The following TP63 variants were observed in gnomAD, a reference collection of about 807,000 sequenced individuals.
TP63 encodes tumor protein p63.
In TP63, 17 loss-of-function variants were observed where a neutral mutation model predicts 82.8. That is an observed-to-expected ratio of 0.21 (90% CI 0.14 to 0.31). The LOEUF (loss-of-function observed/expected upper bound fraction) is 0.31, where lower values mean the gene tolerates loss of function less well. TP63 is among the 10% of genes least tolerant of loss of function. The pLI, the probability that TP63 is intolerant of heterozygous loss-of-function variation, is 1.00. For synonymous variants in TP63, 330 were observed against 321.7 expected, an observed-to-expected ratio of 1.03 and a Z score of -0.28; for missense variants, 648 against 895.3, an observed-to-expected ratio of 0.72 and a Z score of 3.52.
intron 9 of TP63, among the ~76,000 whole-genome samples, chr3:189,872,569 A>C (rs550335907): frequency 6.6e-6 from 1 of 152,270 alleles, no homozygotes; most frequent in South Asian, 2.1e-4. Context: ...CGTGGCGCTA[A>C]ATAGACCATG....
intron 4 of TP63, among the ~76,000 whole-genome samples, chr3:189,850,188 A>G (rs1452752985): frequency 6.6e-6 from 1 of 152,140 alleles, no homozygotes; most frequent in African/African-American, 2.4e-5. Context: ...AGGCTGAGGC[A>G]GGTGAATTGC....
chr3:189,845,190 G>A lies in TP63; in HGVS notation c.580-19042G>A, dbSNP rs142704273. 3.1e-3 allele frequency among the ~76,000 whole-genome samples: 472 copies of A among 152,226 alleles called. 1 individual carries two copies. Among genetic ancestry groups the A allele is most frequent in the African/African-American group, 0.011 (457 of 41,540 alleles). On this transcript the variant is annotated intron_variant, in intron 4 of 13. Transcript: ENST00000264731. ...TTTTTTCTTCCTGTCAAGTATTTTGGGTTATTTGAGATAGTACAGACAACA... is the reference window on the plus strand; with the variant it reads ...TTTTTTCTTCCTGTCAAGTATTTTGAGTTATTTGAGATAGTACAGACAACA...
At chr3:189,790,746 G>A (rs1025947147) in intron 3 of TP63, among the ~76,000 whole-genome samples, 2 of 152,002 alleles carry the variant, frequency 1.3e-5, no homozygotes, top group South Asian at 4.1e-4. Flanking sequence ...GAGAGAGTTC[G>A]GTGTTTCAGA....
At chr3:189,772,308 C>G (rs1723438777) in intron 3 of TP63, among the ~76,000 whole-genome samples, 1 of 152,180 alleles carries the variant, frequency 6.6e-6, no homozygotes, top group African/African-American at 2.4e-5. Flanking sequence ...GACACTGAAG[C>G]TCCTAGAAGT....
intron 11 of TP63, 40 bp downstream of exon 11, chr3:189,886,591 A>G: frequency 6.2e-7 from 1 of 1,611,450 alleles, no homozygotes; most frequent in African/African-American, 1.3e-5. Context: ...AAGGATGAAC[A>G]GGCTAGCTTA....
intron 3 of TP63, among the ~76,000 whole-genome samples, chr3:189,757,949 T>C (rs891813146): frequency 6.6e-6 from 1 of 152,170 alleles, no homozygotes; most frequent in Non-Finnish European, 1.5e-5. Flanking sequence ...CTCAAGCATG[T>C]GTACTAAGGG....
At chr3:189,704,285 G>A (rs989276772) in intron 1 of TP63, among the ~76,000 whole-genome samples, 1 of 152,198 alleles carries the variant, frequency 6.6e-6, no homozygotes, top group African/African-American at 2.4e-5. Flanking sequence ...TTTCCAGAAT[G>A]TTCTTTTTCT....
chr3:189,637,589 C>T (rs1711501074), intron 1 of TP63, among the ~76,000 whole-genome samples: 1 of 152,128 alleles, frequency 6.6e-6, no homozygotes, highest in Admixed American at 6.6e-5. Flanking sequence ...ATTCAAGTCC[C>T]TTGACTACCA....
chr3:189,639,093 A>C (rs1711577464), intron 1 of TP63, among the ~76,000 whole-genome samples: 1 of 152,186 alleles, frequency 6.6e-6, no homozygotes, highest in Admixed American at 6.6e-5. Flanking sequence ...CTGATTAGCT[A>C]TTTTGAAGCT....
At chr3:189,743,765 A>C (rs1291637801) in intron 3 of TP63, among the ~76,000 whole-genome samples, 3 of 152,194 alleles carry the variant, frequency 2.0e-5, no homozygotes, top group African/African-American at 7.2e-5. Flanking sequence ...GACAGGAAGC[A>C]TCAAAAACAA....
chr3:189,759,929 C>G (rs1182321180), intron 3 of TP63, among the ~76,000 whole-genome samples: 3 of 152,186 alleles, frequency 2.0e-5, no homozygotes, highest in African/African-American at 7.2e-5. Context: ...CAAGTCACAT[C>G]TTATGTGGAT....
chr3:189,667,995 A>G (rs1338441381), intron 1 of TP63, among the ~76,000 whole-genome samples: 1 of 152,134 alleles, frequency 6.6e-6, no homozygotes, highest in East Asian at 1.9e-4. Context: ...GACCCTACCC[A>G]AGAGTAAGGC....
At chr3:189,598,595 G>A in the TP63 span, among the ~76,000 whole-genome samples, 1 of 152,164 alleles carries the variant, frequency 6.6e-6, no homozygotes, top group African/African-American at 2.4e-5. Context: ...TCAACATTAT[G>A]AAACCATACA....
the TP63 span, among the ~76,000 whole-genome samples, chr3:189,602,787 T>A: frequency 1.3e-5 from 2 of 152,138 alleles, no homozygotes; most frequent in African/African-American, 4.8e-5. Flanking sequence ...AATTATATCG[T>A]TCGTAGAGTC....
At chr3:189,728,083 G>T (rs966678552) in intron 1 of TP63, among the ~76,000 whole-genome samples, 3 of 151,820 alleles carry the variant, frequency 2.0e-5, no homozygotes, top group Non-Finnish European at 2.9e-5. Flanking sequence ...GAAGAGCTTT[G>T]CCTAAGGATC....
intron 10 of TP63, among the ~76,000 whole-genome samples, chr3:189,874,548 A>G (rs556015013): frequency 2.4e-4 from 36 of 152,102 alleles, no homozygotes; most frequent in Non-Finnish European, 3.4e-4. Context: ...GGATCTCACC[A>G]TTTACTTTTA....
chr3:189,793,279 C>A (rs1266469757), intron 3 of TP63, among the ~76,000 whole-genome samples: 1 of 151,920 alleles, frequency 6.6e-6, no homozygotes, highest in Non-Finnish European at 1.5e-5. Context: ...TAAGGAAAAC[C>A]GTGTTTGGTT....
intron 4 of TP63, among the ~76,000 whole-genome samples, chr3:189,840,359 CTTTTT>C: frequency 1.1e-4 from 5 of 44,448 alleles, no homozygotes; most frequent in Non-Finnish European, 1.2e-4. Context: ...TGCTTTTCGT[CTTTTT>C]TTTTTTTTTT....
In TP63 at chr3:189,897,022, T is replaced by C. The variant is rs1421941698; in HGVS notation, c.*2520T>C. ...CCCTAAAATAACAGTATGTGGGATATTGAATGTTAAAGGGATATTTTTTTC... is the reference window on the plus strand; with the variant it reads ...CCCTAAAATAACAGTATGTGGGATACTGAATGTTAAAGGGATATTTTTTTC... On this transcript the variant is annotated 3_prime_UTR_variant, in exon 14 of 14. Transcript: ENST00000264731. 2 of 226,768 alleles carry C rather than the reference T, an allele frequency of 8.8e-6. No individual in the cohort carries two copies. Among genetic ancestry groups the C allele is most frequent in the African/African-American group, 4.4e-5 (2 of 44,944 alleles). 14.0% of individuals were successfully genotyped at this position (226,768 alleles called of 1,614,324 possible).
Sources: gnomAD v4.1 joint callset for allele counts (sites outside exome capture counted in the v4.1 genomes callset) on GRCh38, gnomAD v4.1.1 for gene constraint, MANE v1.5 for transcripts, NCBI Gene and HGNC (gene_info 2026-07-23, HGNC 2026-07-21) for gene names.